TMC1: variants seen among roughly 807,000 people sequenced by gnomAD.
TMC1 encodes the protein transmembrane channel-like protein 1.
In TMC1, 84 loss-of-function variants were observed where a neutral mutation model predicts 105.8. The ratio of observed to expected loss-of-function variants is 0.79; its 90% CI spans 0.67 to 0.95. The LOEUF is 0.95. Among genes scored for constraint, TMC1 ranks in the 40% least tolerant of loss-of-function variants. The probability of loss-of-function intolerance (pLI) is 0.00; values close to 1 mark genes in which losing one functional copy is unlikely to be tolerated. For synonymous variants in TMC1, 315 were observed against 311.5 expected (o/e 1.01, Z -0.12); for missense variants, 817 against 914.1 (o/e 0.89, Z 1.37).
rs148773757 is a variant in TMC1, at chr9:72,545,736, C to T, written c.-428+23823C>T. ...TGCCTGACCTCAAGTGATCTGGCTCCCTCGAACTCCCAGAGTGCTGGGATT... is the reference window on the plus strand; with the variant it reads ...TGCCTGACCTCAAGTGATCTGGCTCTCTCGAACTCCCAGAGTGCTGGGATT... On this transcript the variant is annotated intron_variant, in intron 1 of 23. Coordinates refer to ENST00000297784, the MANE Select transcript of TMC1 (RefSeq NM_138691.3). Among the ~76,000 whole-genome samples, 1,248 of 152,174 alleles carry T rather than the reference C, an allele frequency of 8.2e-3. 11 individuals carry two copies. Among genetic ancestry groups the T allele is most frequent in the Non-Finnish European group, 0.011 (721 of 68,006 alleles).
intron 3 of TMC1, among the ~76,000 whole-genome samples, chr9:72,621,413 G>A (rs990724196): frequency 2.0e-5 from 3 of 152,158 alleles, no homozygotes; most frequent in African/African-American, 7.2e-5. Context: ...ATTTGTGAGA[G>A]GACATCGTGA....
At chr9:72,618,675 G>A (rs1024421706) in intron 3 of TMC1, among the ~76,000 whole-genome samples, 1 of 152,068 alleles carries the variant, frequency 6.6e-6, no homozygotes, top group African/African-American at 2.4e-5. Flanking sequence ...TTTTAAAACA[G>A]TTATATTTAT....
At chr9:72,771,428 C>T (rs1220407732) in intron 12 of TMC1, among the ~76,000 whole-genome samples, 2 of 152,142 alleles carry the variant, frequency 1.3e-5, no homozygotes, top group Non-Finnish European at 2.9e-5. Flanking sequence ...TCCACTCTCC[C>T]CCACTTCACT....
chr9:72,622,748 C>T (rs918261832), intron 3 of TMC1, among the ~76,000 whole-genome samples: 2 of 152,046 alleles, frequency 1.3e-5, no homozygotes, highest in African/African-American at 4.8e-5. Context: ...GACCCAGACC[C>T]TTGTTTGAAA....
intron 2 of TMC1, among the ~76,000 whole-genome samples, chr9:72,587,981 G>A (rs767418624): frequency 3.3e-5 from 5 of 151,818 alleles, no homozygotes; most frequent in Non-Finnish European, 5.9e-5. Flanking sequence ...TAGAAATGGG[G>A]TGTCACCATG....
At chr9:72,595,026 C>T (rs1354762793) in intron 2 of TMC1, among the ~76,000 whole-genome samples, 2 of 152,006 alleles carry the variant, frequency 1.3e-5, no homozygotes, top group Non-Finnish European at 2.9e-5. Context: ...CCACCACGCC[C>T]AGCTAATTTT....
At chr9:72,818,454 T>C (rs977802999) in intron 19 of TMC1, among the ~76,000 whole-genome samples, 1 of 152,224 alleles carries the variant, frequency 6.6e-6, no homozygotes, top group African/African-American at 2.4e-5. Context: ...ATCTTTATCA[T>C]AGCAGGATAT....
intron 1 of TMC1, among the ~76,000 whole-genome samples, chr9:72,569,442 A>G (rs1824229577): frequency 6.6e-6 from 1 of 152,188 alleles, no homozygotes; most frequent in African/African-American, 2.4e-5. Flanking sequence ...TTAAATCCAT[A>G]AAATAAGAAC....
chr9:72,678,155 A>G (rs1826231734), intron 5 of TMC1, among the ~76,000 whole-genome samples: 1 of 152,134 alleles, frequency 6.6e-6, no homozygotes. Flanking sequence ...AGGTGGAAAT[A>G]GAAGACTAGA....
At chr9:72,750,012 C>A (rs1441848911) in intron 10 of TMC1, among the ~76,000 whole-genome samples, 1 of 152,108 alleles carries the variant, frequency 6.6e-6, no homozygotes, top group Non-Finnish European at 1.5e-5. Context: ...GAGGCTGAGG[C>A]AGGAGAATTG....
intron 23 of TMC1, among the ~76,000 whole-genome samples, chr9:72,834,504 G>C (rs908004819): frequency 3.3e-5 from 5 of 152,030 alleles, no homozygotes; most frequent in African/African-American, 1.2e-4. Context: ...GTATTTTTAG[G>C]CTTCTCCTCT....
chr9:72,826,250 G>A (rs1227789839), intron 20 of TMC1, among the ~76,000 whole-genome samples: 1 of 152,156 alleles, frequency 6.6e-6, no homozygotes, highest in Non-Finnish European at 1.5e-5. Context: ...CTAGTTTATA[G>A]GAGCTGATAC....
chr9:72,756,144 C>G (rs1411768711), intron 12 of TMC1, among the ~76,000 whole-genome samples: 3 of 152,132 alleles, frequency 2.0e-5, no homozygotes. Flanking sequence ...CTTCAATCAC[C>G]CCTGTCAGTT....
rs1160063558 is a variant in TMC1, at chr9:72,837,072, T to A, written c.*1099T>A. The A allele has an allele frequency of 6.6e-6, 1 of 152,380 alleles. No individual in the cohort carries two copies. The highest frequency in any genetic ancestry group is 1.5e-5 in the Non-Finnish European group (1 of 68,214). 9.4% of individuals were successfully genotyped at this position (152,380 alleles called of 1,614,324 possible). ...GAGTTTGCATCTCTCCCCGCTTGAT[T>A]TTTTTGGCGGATGGGCTGTCCGTGT... On this transcript the variant is annotated 3_prime_UTR_variant, in exon 24 of 24. Coordinates refer to ENST00000297784, the MANE Select transcript of TMC1 (RefSeq NM_138691.3).
chr9:72,801,886 C>G (rs1046788717), intron 17 of TMC1, among the ~76,000 whole-genome samples: 2 of 152,136 alleles, frequency 1.3e-5, no homozygotes, highest in African/African-American at 4.8e-5. Context: ...GAATCTTCTT[C>G]AGATATTTTA....
At chr9:72,742,280 G>C (rs562631814) in intron 9 of TMC1, among the ~76,000 whole-genome samples, 164 bp from the exon 10 acceptor site, 4 of 152,222 alleles carry the variant, frequency 2.6e-5, no homozygotes, top group Non-Finnish European at 5.9e-5. Flanking sequence ...TGGAGAACAG[G>C]GAAACAAGTG....
intron 8 of TMC1, among the ~76,000 whole-genome samples, chr9:72,727,584 G>A (rs1034076578): frequency 6.6e-6 from 1 of 152,108 alleles, no homozygotes; most frequent in African/African-American, 2.4e-5. Flanking sequence ...CAGTAAAGGG[G>A]CAAGGGGAAA....
intron 3 of TMC1, among the ~76,000 whole-genome samples, chr9:72,622,171 A>G (rs532644478): frequency 4.6e-5 from 7 of 152,242 alleles, no homozygotes; most frequent in Non-Finnish European, 7.4e-5. Context: ...ACCAGCAGCG[A>G]TTTCAGAGTA....
intron 5 of TMC1, among the ~76,000 whole-genome samples, chr9:72,653,912 CT>C (rs1825848747): frequency 6.6e-6 from 1 of 152,162 alleles, no homozygotes; most frequent in Non-Finnish European, 1.5e-5. Flanking sequence ...TGCCTGACTT[CT>C]TACATTTAGT....
Sources: gnomAD v4.1 joint callset for allele counts (sites outside exome capture counted in the v4.1 genomes callset) on GRCh38, gnomAD v4.1.1 for gene constraint, MANE v1.5 for transcripts, NCBI Gene and HGNC (gene_info 2026-07-23, HGNC 2026-07-21) for gene names.